Variants in RERG observed in about 807,000 individuals in gnomAD.
RERG encodes the protein RAS like estrogen regulated growth inhibitor, also known as ras-related and estrogen-regulated growth inhibitor.
In RERG, 25 loss-of-function variants were observed where a neutral mutation model predicts 23.2. The observed-to-expected ratio is 1.08, with a 90% CI of 0.79 to 1.50. The LOEUF (loss-of-function observed/expected upper bound fraction) is 1.50. Among genes scored for constraint, RERG ranks in the 40% most tolerant of loss-of-function variants. RERG has a pLI of 0.00. For synonymous variants in RERG, 81 were observed against 89.1 expected, an observed-to-expected ratio of 0.91 and a Z score of 0.51; for missense variants, 253 against 250.1, an observed-to-expected ratio of 1.01 and a Z score of -0.08.
At chr12:15,116,357 A>G (rs1037055313) in intron 3 of RERG, among the ~76,000 whole-genome samples, 12 of 152,202 alleles carry the variant, frequency 7.9e-5, no homozygotes, top group African/African-American at 2.9e-4. Context: ...ATCTCTTTGC[A>G]CTAAAAGTTG....
At chr12:15,146,909 A>C (rs111434388) in intron 2 of RERG, among the ~76,000 whole-genome samples, 103 of 152,248 alleles carry the variant, frequency 6.8e-4, no homozygotes, top group African/African-American at 2.4e-3. Flanking sequence ...TCAACTTGGA[A>C]ATATTACATT....
At chr12:15,207,803 G>C (rs546377388) in intron 2 of RERG, among the ~76,000 whole-genome samples, 1 of 152,264 alleles carries the variant, frequency 6.6e-6, no homozygotes, top group East Asian at 1.9e-4. Flanking sequence ...GTGAAGGGCT[G>C]TCATAAGGAG....
chr12:15,179,123 G>A (rs1050362897), intron 2 of RERG, among the ~76,000 whole-genome samples: 2 of 152,156 alleles, frequency 1.3e-5, no homozygotes, highest in Non-Finnish European at 2.9e-5. Context: ...GTAGGGAAGA[G>A]AAATGGGTAG....
At chr12:15,117,786 G>T (rs1591633855) in intron 3 of RERG, among the ~76,000 whole-genome samples, 1 of 151,902 alleles carries the variant, frequency 6.6e-6, no homozygotes, top group South Asian at 2.1e-4. Context: ...TATGACTCTT[G>T]GAGATAGGGA....
At position 15,160,760 on chromosome 12, in the gene RERG, C is replaced by T. The variant is rs979216552; in HGVS notation, c.62-39641G>A. ...AGCTTGGATGGCAGCATAGTGGAGA[C>T]GGAGATGTAAGAATTGAATTGGAAA... On this transcript the variant is annotated intron_variant, in intron 2 of 4. Coordinates refer to ENST00000256953, the MANE Select transcript of RERG (RefSeq NM_032918.3). Among the ~76,000 whole-genome samples, 6 of 152,070 alleles carry T rather than the reference C, an allele frequency of 3.9e-5. No homozygotes were observed. The South Asian group carries it at 8.3e-4, about 21-fold the overall frequency.
At chr12:15,207,449 C>T (rs1189220876) in intron 2 of RERG, among the ~76,000 whole-genome samples, 3 of 152,044 alleles carry the variant, frequency 2.0e-5, no homozygotes, top group African/African-American at 7.2e-5. Flanking sequence ...AACAAACAAA[C>T]AAACAAACAA....
At chr12:15,216,077 T>C (rs1227188146) in intron 2 of RERG, among the ~76,000 whole-genome samples, 1 of 152,218 alleles carries the variant, frequency 6.6e-6, no homozygotes, top group East Asian at 1.9e-4. Flanking sequence ...GACAAGCTCT[T>C]GCTGGCAGTG....
chr12:15,128,440 T>A (rs1591638736), intron 2 of RERG, among the ~76,000 whole-genome samples: 1 of 15,648 alleles, frequency 6.4e-5, no homozygotes, highest in Non-Finnish European at 1.4e-4. Flanking sequence ...CCAGGAACCA[T>A]TTTTAGGCAG....
intron 2 of RERG, among the ~76,000 whole-genome samples, chr12:15,175,533 A>C (rs1030453075): frequency 1.6e-4 from 25 of 152,098 alleles, no homozygotes; most frequent in Admixed American, 1.6e-3. Context: ...ACAACCTTGC[A>C]TGTAAGTGCA....
intron 2 of RERG, among the ~76,000 whole-genome samples, chr12:15,156,622 G>C (rs150762559): frequency 6.6e-6 from 1 of 152,242 alleles, no homozygotes; most frequent in Non-Finnish European, 1.5e-5. Context: ...AAATTACTAG[G>C]TTCAGAAAAT....
intron 2 of RERG, among the ~76,000 whole-genome samples, chr12:15,157,129 C>T (rs1263334672): frequency 2.0e-5 from 3 of 152,122 alleles, no homozygotes; most frequent in East Asian, 1.9e-4. Context: ...GTTTTTCATT[C>T]GGCATTGCAG....
intron 2 of RERG, among the ~76,000 whole-genome samples, chr12:15,136,867 T>C (rs11535979): frequency 0.13 from 19,720 of 151,948 alleles, 1,641 homozygotes; most frequent in Admixed American, 0.18. Context: ...AAAAAATGTG[T>C]ATTTTGCTGT....
intron 2 of RERG, among the ~76,000 whole-genome samples, chr12:15,184,586 T>A (rs1392582189): frequency 6.6e-6 from 1 of 152,178 alleles, no homozygotes; most frequent in Non-Finnish European, 1.5e-5. Context: ...GAGATCCGGA[T>A]CATTATTACA....
intron 3 of RERG, among the ~76,000 whole-genome samples, chr12:15,111,874 C>A (rs1408668651): frequency 6.6e-6 from 1 of 152,040 alleles, no homozygotes; most frequent in Admixed American, 6.6e-5. Flanking sequence ...CAAGGTTTCA[C>A]CATGTTGGCC....
At chr12:15,188,701 T>C (rs1489064618) in intron 2 of RERG, among the ~76,000 whole-genome samples, 1 of 152,240 alleles carries the variant, frequency 6.6e-6, no homozygotes, top group African/African-American at 2.4e-5. Context: ...ATTAAAATTG[T>C]ATTTAGCATG....
intron 2 of RERG, among the ~76,000 whole-genome samples, chr12:15,205,180 C>A (rs142878723): frequency 2.6e-5 from 4 of 151,872 alleles, no homozygotes; most frequent in African/African-American, 9.7e-5. Context: ...AAGTTATACA[C>A]GCTCAGGAAA....
chr12:15,132,092 T>C (rs969435709), intron 2 of RERG, among the ~76,000 whole-genome samples: 1 of 152,134 alleles, frequency 6.6e-6, no homozygotes, highest in Non-Finnish European at 1.5e-5. Flanking sequence ...TAAACCAAAA[T>C]ATGACATGAA....
chr12:15,216,651 A>G (rs1472728699), intron 2 of RERG, among the ~76,000 whole-genome samples: 2 of 152,250 alleles, frequency 1.3e-5, no homozygotes, highest in African/African-American at 4.8e-5. Flanking sequence ...TAAGAGACTA[A>G]GGCAAGAGGT....
At chr12:15,203,687 C>G (rs1244057697) in intron 2 of RERG, among the ~76,000 whole-genome samples, 2 of 151,642 alleles carry the variant, frequency 1.3e-5, no homozygotes, top group African/African-American at 2.4e-5. Context: ...ACCAAAAACA[C>G]TCTTAGAACT....
Sources: allele counts gnomAD v4.1 joint callset (sites outside exome capture counted in the v4.1 genomes callset), GRCh38; gene constraint gnomAD v4.1.1; transcripts MANE v1.5; gene names NCBI Gene and HGNC (gene_info 2026-07-23, HGNC 2026-07-21).